URGCP: variants seen among roughly 807,000 people sequenced by gnomAD.
URGCP encodes up-regulator of cell proliferation.
In URGCP, 13 loss-of-function variants were observed where a neutral mutation model predicts 24.6. That is an observed-to-expected ratio of 0.53 (90% confidence interval 0.34 to 0.84). The LOEUF is 0.84. Among genes scored for constraint, URGCP ranks in the 40% least tolerant of loss-of-function variants. URGCP has a pLI of 0.01. For missense variants in URGCP, 899 were observed against 1,194.3 expected (o/e 0.75, Z 3.64); for synonymous variants, 444 against 487.2 (o/e 0.91, Z 1.17).
intron 1 of URGCP, among the ~76,000 whole-genome samples, chr7:43,892,570 T>C (rs2095872605): frequency 6.6e-6 from 1 of 152,178 alleles, no homozygotes; most frequent in Admixed American, 6.5e-5. Flanking sequence ...CTCCACTTCT[T>C]GTAAGAATAT....
chr7:43,904,901 G>A (rs1419440508), intron 1 of URGCP, among the ~76,000 whole-genome samples: 1 of 152,168 alleles, frequency 6.6e-6, no homozygotes, highest in Non-Finnish European at 1.5e-5. Flanking sequence ...AAGTATTTGT[G>A]CATGGGACCA....
intron 3 of URGCP, among the ~76,000 whole-genome samples, chr7:43,882,528 A>G (rs1317951438): frequency 6.6e-6 from 1 of 151,868 alleles, no homozygotes; most frequent in Admixed American, 6.6e-5. Flanking sequence ...GGATTACTTG[A>G]GCCTGGGAGG....
At chr7:43,924,951 G>C (rs1472693411) in intron 1 of URGCP, among the ~76,000 whole-genome samples, 1 of 152,072 alleles carries the variant, frequency 6.6e-6, no homozygotes, top group Non-Finnish European at 1.5e-5. Flanking sequence ...TAGAGACGGG[G>C]TTTCACCATG....
intron 1 of URGCP, chr7:43,889,638 C>T (rs2095867359): frequency 6.6e-6 from 1 of 152,182 alleles, no homozygotes; most frequent in South Asian, 2.1e-4. Flanking sequence ...AAATTATACC[C>T]TATGTTAATC....
At chr7:43,919,703 G>A in intron 1 of URGCP, 1 of 1,370,176 alleles carries the variant, frequency 7.3e-7, no homozygotes, top group South Asian at 1.2e-5. Context: ...AGGTCCACAA[G>A]AGCCTGCAGA....
Position 43,876,268 on chromosome 7 carries a change from C to T in URGCP, c.*399G>A, listed in dbSNP as rs1294658338. 1.1e-5 allele frequency: 2 copies of T among 190,418 alleles called. No homozygotes were observed. The highest frequency in any genetic ancestry group is 4.7e-5 in the African/African-American group (2 of 42,338). The allele number at this position is 190,418 out of a possible 1,614,324, so 11.8% of individuals were successfully genotyped here. On this transcript the variant is annotated 3_prime_UTR_variant, in exon 6 of 6. Transcript: ENST00000453200. Reference sequence around the variant, plus strand: ...GGAGCAAGGCCTACTTCTGCTTCCTCAGGACAACTTCCCCACCTCTGTCCT... The same window carrying T: ...GGAGCAAGGCCTACTTCTGCTTCCTTAGGACAACTTCCCCACCTCTGTCCT...
chr7:43,898,633 G>A (rs2095883242), intron 1 of URGCP, among the ~76,000 whole-genome samples: 1 of 152,004 alleles, frequency 6.6e-6, no homozygotes, highest in African/African-American at 2.4e-5. Context: ...GGGTCCAGGA[G>A]CATGTGCCTT....
intron 1 of URGCP, chr7:43,906,052 T>A (rs2095901593): frequency 6.6e-6 from 1 of 152,204 alleles, no homozygotes; most frequent in African/African-American, 2.4e-5. Flanking sequence ...AGGGTCTGCA[T>A]CTGCCCGGAT....
intron 3 of URGCP, among the ~76,000 whole-genome samples, chr7:43,883,321 A>C (rs1433694332): frequency 7.4e-6 from 1 of 134,590 alleles, no homozygotes; most frequent in Admixed American, 7.6e-5. Context: ...TATATATATA[A>C]ATATATATAT....
Position 43,878,479 on chromosome 7 carries a change from G to A in URGCP, c.984C>T (p.Phe328=). The change falls in exon 6 of 6, where the codon TTC becomes TTT. Residue 328 remains phenylalanine, a synonymous_variant. Transcript: ENST00000453200. The surrounding 1 kb of genome is among the most constrained non-coding windows in gnomAD (Gnocchi z 5.6). Reference sequence around the variant, plus strand: ...GGTTCAGAAAGGCCACAGGTTCTGGGAAAATGTCCAAGTCCTCCCTTCCGC... The same window carrying A: ...GGTTCAGAAAGGCCACAGGTTCTGGAAAAATGTCCAAGTCCTCCCTTCCGC... ...FPSGREDLDI[F]PEPVAFLNLR... 1 of 1,614,176 alleles carries A rather than the reference G, an allele frequency of 6.2e-7. No homozygotes were observed. The highest frequency in any genetic ancestry group is 2.2e-5 in the East Asian group (1 of 44,886).
intron 1 of URGCP, among the ~76,000 whole-genome samples, chr7:43,925,649 G>C (rs1409619938): frequency 1.3e-5 from 2 of 152,006 alleles, no homozygotes; most frequent in African/African-American, 4.8e-5. Flanking sequence ...ACAGGCATAC[G>C]TCACTACGCC....
rs372650236 is a variant in URGCP, at chr7:43,879,214, C to T, written c.249G>A (p.Glu83=). ...GGCTGAGTTTCTGGACCTGGTACGT[C>T]TCTAGGCCCAAAAGTGACAGCATTT... ...LQEMLSLLGL[E]TYQVQKLSLQ... The change falls in exon 6 of 6, where the codon GAG becomes GAA. Residue 83 remains glutamate, a synonymous_variant. Transcript: ENST00000453200. 7 of 1,613,146 alleles carry T rather than the reference C, an allele frequency of 4.3e-6. No homozygotes were observed. Among genetic ancestry groups the T allele is most frequent in the Non-Finnish European group, 5.9e-6 (7 of 1,179,934 alleles).
intron 1 of URGCP, among the ~76,000 whole-genome samples, chr7:43,903,988 G>A (rs1222635105): frequency 6.6e-6 from 1 of 152,216 alleles, no homozygotes; most frequent in African/African-American, 2.4e-5. Context: ...GACAAGAGAT[G>A]AGCTGTTGAG....
intron 3 of URGCP, among the ~76,000 whole-genome samples, chr7:43,886,292 A>G (rs951019897): frequency 1.6e-4 from 25 of 152,192 alleles, no homozygotes; most frequent in African/African-American, 5.3e-4. Context: ...CCAGCCTAAA[A>G]TAAAACTTTA....
At chr7:43,926,505 C>T (rs2095930807), upstream of URGCP, 1 of 1,511,294 alleles carries the variant, frequency 6.6e-7, no homozygotes, top group East Asian at 2.8e-5. Flanking sequence ...CCCGGCCGGG[C>T]CGCCCGGGTC....
intron 1 of URGCP, among the ~76,000 whole-genome samples, chr7:43,895,742 GGAATGT>G: frequency 6.6e-6 from 1 of 152,298 alleles, no homozygotes; most frequent in East Asian, 1.9e-4. Flanking sequence ...ATACACTGTG[GGAATGT>G]AAGTTAGTAC....
At chr7:43,894,250 T>C (rs193249482) in intron 1 of URGCP, among the ~76,000 whole-genome samples, 1 of 152,312 alleles carries the variant, frequency 6.6e-6, no homozygotes, top group East Asian at 1.9e-4. Flanking sequence ...CAGAACATTT[T>C]ATCCAAAAGC....
chr7:43,923,315 C>G (rs1416664315), intron 1 of URGCP, among the ~76,000 whole-genome samples: 2 of 142,220 alleles, frequency 1.4e-5, no homozygotes, highest in Non-Finnish European at 3.0e-5. Flanking sequence ...GAGACAGGGT[C>G]TTGCTCTGTC....
chr7:43,912,111 T>A (rs575418414), intron 1 of URGCP, among the ~76,000 whole-genome samples: 5 of 152,126 alleles, frequency 3.3e-5, no homozygotes, highest in African/African-American at 1.2e-4. Context: ...AAGAAAGATC[T>A]CAACTCAATA....
Sources: allele counts gnomAD v4.1 joint callset (sites outside exome capture counted in the v4.1 genomes callset), GRCh38; gene constraint gnomAD v4.1.1; non-coding constraint Gnocchi (gnomAD v3.1); transcripts MANE v1.5; gene names NCBI Gene and HGNC (gene_info 2026-07-23, HGNC 2026-07-21).